CEP164: variants seen among roughly 807,000 people sequenced by gnomAD.
The protein encoded by CEP164 is centrosomal protein 164.
CEP164 carries 162 observed loss-of-function variants against 182.7 expected under a neutral mutation model. The observed-to-expected ratio is 0.89, with a 90% CI of 0.78 to 1.01. The LOEUF is 1.01. Among genes scored for constraint, CEP164 ranks in the 50% least tolerant of loss-of-function variants. CEP164 has a pLI of 0.00. For synonymous variants in CEP164, 661 were observed against 690.0 expected (o/e 0.96, Z 0.66); for missense variants, 1,735 against 1,790.4 (o/e 0.97, Z 0.56).
intron 4 of CEP164, among the ~76,000 whole-genome samples, chr11:117,346,484 C>T (rs1365448415): frequency 6.6e-6 from 1 of 151,890 alleles, no homozygotes; most frequent in African/African-American, 2.4e-5. Flanking sequence ...GTCTTGAACT[C>T]CTGATCTCAT....
rs771049323 is a variant in CEP164, at chr11:117,394,985, G to C, written c.2826G>C (p.Leu942Phe). The C allele has an allele frequency of 1.2e-6, 2 of 1,614,204 alleles. No homozygotes were observed. Among genetic ancestry groups the C allele is most frequent in the Non-Finnish European group, 1.7e-6 (2 of 1,180,034 alleles). The change falls in exon 22 of 33, where the codon TTG becomes TTC. Residue 942 changes from leucine (L) to phenylalanine (F), a missense_variant. By Grantham distance (22) the Leu-to-Phe change is conservative (BLOSUM62 0). Coordinates refer to ENST00000278935, the MANE Select transcript of CEP164 (RefSeq NM_014956.5). This position sits in a 1 kb window ranked among gnomAD's most constrained non-coding sequence, Gnocchi z 4.0. ...GAGCTAAAGATGTCAAGGCCAGATT[G>C]GCTCTGCTGGAGGTCCAGGTGAGGG... ...ETRAKDVKARLALLEVQEETA... is the reference protein window; with the variant it reads ...ETRAKDVKARFALLEVQEETA...
chr11:117,407,004 G>T (rs1418850672), intron 27 of CEP164, among the ~76,000 whole-genome samples: 1 of 152,178 alleles, frequency 6.6e-6, no homozygotes, highest in Admixed American at 6.5e-5. Flanking sequence ...TGAGGCAGGA[G>T]AATTGCTTGA....
rs565461393 is a variant in CEP164 at position 117,392,273 on chromosome 11, C to G, written c.2331C>G (p.Leu777=). ...AGCACAGTGCTGAGCTGGAGCGGCT[C>G]TGCTCCTCATTGGAGGCCAAGCACC... ...EKEHSAELER[L]CSSLEAKHRE... is the part of the protein sequence containing the mutation. Residue 777 remains leucine, a synonymous_variant, in exon 18 of 33, where the codon CTC becomes CTG. Coordinates refer to ENST00000278935, the MANE Select transcript of CEP164 (RefSeq NM_014956.5). 3 of 1,611,862 alleles carry G rather than the reference C, an allele frequency of 1.9e-6. No individual in the cohort carries two copies. The African/African-American group carries it at 4.0e-5, about 21-fold the overall frequency.
chr11:117,356,287 G>A (rs1261237682), intron 5 of CEP164: 6 of 1,099,136 alleles, frequency 5.5e-6, no homozygotes, highest in East Asian at 8.8e-5. Context: ...CCAGGTGGCC[G>A]GAGGGCCTGG....
chr11:117,323,865 C>T (rs568324517), upstream of CEP164: 157 of 417,304 alleles, frequency 3.8e-4, no homozygotes, highest in Non-Finnish European at 6.7e-4. Flanking sequence ...CATTTTTTCA[C>T]GTACCTGTTG....
intron 27 of CEP164, among the ~76,000 whole-genome samples, chr11:117,399,841 T>G (rs1378786881): frequency 6.6e-6 from 1 of 152,224 alleles, no homozygotes; most frequent in Non-Finnish European, 1.5e-5. Flanking sequence ...TTGTTTGTTT[T>G]TTTCTTGTAA....
chr11:117,348,517 G>A (rs766156226), intron 4 of CEP164, among the ~76,000 whole-genome samples: 4 of 152,064 alleles, frequency 2.6e-5, no homozygotes, highest in Non-Finnish European at 5.9e-5. Flanking sequence ...GGTAATAGTA[G>A]TGGTATCTTA....
intron 5 of CEP164, among the ~76,000 whole-genome samples, chr11:117,353,252 G>C (rs1178118044): frequency 1.3e-5 from 2 of 152,118 alleles, no homozygotes; most frequent in Non-Finnish European, 2.9e-5. Context: ...GCTTCCTCTT[G>C]TCCAAGCTCC....
At chr11:117,363,348 C>G in intron 7 of CEP164, 81 bp from the exon 8 acceptor site, 1 of 996,038 alleles carries the variant, frequency 1.0e-6, no homozygotes, top group East Asian at 2.4e-5. Context: ...CAGCAGTGCC[C>G]CACTTTTCCC....
chr11:117,390,794 T>G lies in CEP164; in HGVS notation c.1952T>G (p.Leu651Arg). Residue 651 changes from leucine (L) to arginine (R), a missense_variant, in exon 16 of 33, where the codon CTG becomes CGG. Leu to Arg is a moderately radical substitution (Grantham distance 102). Transcript: ENST00000278935. Reference sequence around the variant, plus strand: ...CATCTCAGTTCCTTGAGGGAGCGGCTGCAGAAAGCCATTGAGGAGGAGGAG... The same window carrying G: ...CATCTCAGTTCCTTGAGGGAGCGGCGGCAGAAAGCCATTGAGGAGGAGGAG... Reference protein sequence around the residue: ...EQSLSSLRERLQKAIEEEEAR... With the variant: ...EQSLSSLRERRQKAIEEEEAR... The G allele has an allele frequency of 6.2e-7, 1 of 1,613,976 alleles. No homozygotes were observed. Among genetic ancestry groups the G allele is most frequent in the Non-Finnish European group, 8.5e-7 (1 of 1,179,996 alleles).
chr11:117,393,426 A>T (rs1402331777), intron 20 of CEP164, among the ~76,000 whole-genome samples: 1 of 152,182 alleles, frequency 6.6e-6, no homozygotes, highest in Non-Finnish European at 1.5e-5. Context: ...TCTGATAGTA[A>T]AAAGAACCCC....
intron 26 of CEP164, 143 bp from the exon 27 acceptor site, chr11:117,396,948 C>A: frequency 1.4e-6 from 1 of 732,670 alleles, no homozygotes; most frequent in Non-Finnish European, 2.2e-6. Flanking sequence ...TGAACAGTGG[C>A]ATCCCTGCAC....
chr11:117,345,333 C>T (rs2038729587), intron 4 of CEP164, among the ~76,000 whole-genome samples: 1 of 152,164 alleles, frequency 6.6e-6, no homozygotes, highest in Non-Finnish European at 1.5e-5. Context: ...CTCGTGGTGA[C>T]ACTGCTCTCC....
At chr11:117,370,265 G>A (rs2042070924) in intron 8 of CEP164, among the ~76,000 whole-genome samples, 1 of 152,214 alleles carries the variant, frequency 6.6e-6, no homozygotes, top group African/African-American at 2.4e-5. Context: ...TGATCAGCAT[G>A]TACCCAGGAG....
chr11:117,339,790 A>G (rs1465557973), intron 3 of CEP164, among the ~76,000 whole-genome samples: 1 of 151,832 alleles, frequency 6.6e-6, no homozygotes, highest in Non-Finnish European at 1.5e-5. Context: ...TCCACTTCCC[A>G]GAGTGCTGGG....
intron 9 of CEP164, among the ~76,000 whole-genome samples, chr11:117,371,926 G>A: frequency 6.6e-6 from 1 of 151,126 alleles, no homozygotes; most frequent in Non-Finnish European, 1.5e-5. Flanking sequence ...CCTCATCATA[G>A]TTCAGGGTGC....
At chr11:117,327,750 G>A (rs2035548831), upstream of CEP164, 2 of 152,354 alleles carry the variant, frequency 1.3e-5, no homozygotes, top group East Asian at 1.9e-4. Flanking sequence ...GCACCGAAGG[G>A]ACTTCGAGCC....
In CEP164 at chr11:117,380,616, C is replaced by T. The variant is rs145815710; in HGVS notation, c.1320C>T (p.Ala440=). 6.2e-5 allele frequency: 99 copies of T among 1,597,730 alleles called. No individual in the cohort carries two copies. In the East Asian group the frequency reaches 7.4e-4, roughly 12 times the overall value. ...SPVLGGACRQ[A]QQPLGIEDKD... ...TTTTTATTGCTTCTCTCCTACAGGC[C>T]CAGCAACCACTGGGAATAGAAGACA... Residue 440 remains alanine, a splice_region_variant and synonymous_variant, in exon 12 of 33, where the codon GCC becomes GCT. Coordinates refer to ENST00000278935, the MANE Select transcript of CEP164 (RefSeq NM_014956.5).
At chr11:117,338,531 A>G (rs542764180) in intron 2 of CEP164, 35 bp from the exon 3 acceptor site, 1 of 1,503,916 alleles carries the variant, frequency 6.6e-7, no homozygotes, top group South Asian at 1.1e-5. Flanking sequence ...TTGGTCACTG[A>G]TTTTTCTCTT....
Sources: gnomAD v4.1 joint callset for allele counts (sites outside exome capture counted in the v4.1 genomes callset) on GRCh38, gnomAD v4.1.1 for gene constraint, Gnocchi (gnomAD v3.1) non-coding constraint, MANE v1.5 for transcripts, NCBI Gene and HGNC (gene_info 2026-07-23, HGNC 2026-07-21) for gene names.